ASIC2: variants seen among roughly 807,000 people sequenced by gnomAD.
The protein encoded by ASIC2 is acid sensing ion channel subunit 2.
ASIC2 carries 25 observed loss-of-function variants against 57.3 expected under a neutral mutation model. The ratio of observed to expected loss-of-function variants is 0.44; its 90% CI spans 0.32 to 0.61. The LOEUF (loss-of-function observed/expected upper bound fraction) is 0.61. ASIC2 is among the 20% of genes least tolerant of loss of function. ASIC2 has a pLI of 0.06. For missense variants in ASIC2, 641 were observed against 738.1 expected (o/e 0.87, Z 1.52); for synonymous variants, 319 against 307.5 (o/e 1.04, Z -0.39).
intron 1 of ASIC2, among the ~76,000 whole-genome samples, chr17:34,090,647 A>G (rs1418772650): frequency 1.3e-5 from 2 of 152,200 alleles, no homozygotes; most frequent in African/African-American, 4.8e-5. Context: ...AAGGAAAAAG[A>G]GTACTTAAGG....
intron 1 of ASIC2, among the ~76,000 whole-genome samples, chr17:34,136,292 C>T (rs563769913): frequency 6.6e-6 from 1 of 152,330 alleles, no homozygotes; most frequent in African/African-American, 2.4e-5. Context: ...GCAAAGCCAT[C>T]TCTTATGGGG....
intron 3 of ASIC2, among the ~76,000 whole-genome samples, chr17:33,038,437 G>A (rs760077875): frequency 1.6e-4 from 24 of 152,152 alleles, no homozygotes; most frequent in Non-Finnish European, 2.9e-4. Context: ...TATGGGAGTG[G>A]AGCTGGGAGA....
intron 1 of ASIC2, among the ~76,000 whole-genome samples, chr17:34,067,294 G>T (rs577044669): frequency 6.6e-6 from 1 of 152,278 alleles, no homozygotes; most frequent in African/African-American, 2.4e-5. Context: ...GACTTCAGAT[G>T]AAAGAAATTG....
At chr17:33,800,041 A>G (rs1263251147) in intron 1 of ASIC2, among the ~76,000 whole-genome samples, 1 of 152,028 alleles carries the variant, frequency 6.6e-6, no homozygotes, top group African/African-American at 2.4e-5. Context: ...GTATATAGAG[A>G]CCTTTGAGAC....
At chr17:33,970,888 C>T (rs1375990489) in intron 1 of ASIC2, among the ~76,000 whole-genome samples, 1 of 152,128 alleles carries the variant, frequency 6.6e-6, no homozygotes, top group East Asian at 1.9e-4. Flanking sequence ...TCAGAACAAA[C>T]CCAGGTGTCT....
At chr17:33,172,396 C>T (rs1905556955) in intron 1 of ASIC2, among the ~76,000 whole-genome samples, 2 of 152,208 alleles carry the variant, frequency 1.3e-5, no homozygotes, top group African/African-American at 2.4e-5. Context: ...AAAATTAAAG[C>T]CCAGTTCTGC....
At position 33,709,916 on chromosome 17, in the gene ASIC2, T is replaced by A. The variant is rs148310990; in HGVS notation, c.555+446062A>T. ...ATTTCCAGTGACATGGATGCTCAAG[T>A]CTTTATGGGCAACCCTTATTATCAC... On this transcript the variant is annotated intron_variant, in intron 1 of 9. Coordinates refer to the ASIC2 transcript ENST00000359872. Among the ~76,000 whole-genome samples, 508 of 152,330 alleles carry A rather than the reference T, an allele frequency of 3.3e-3. 5 individuals are homozygous for A. Among genetic ancestry groups the A allele is most frequent in the African/African-American group, 0.012 (480 of 41,588 alleles).
chr17:33,360,287 G>A (rs1189844029), intron 1 of ASIC2, among the ~76,000 whole-genome samples: 1 of 152,144 alleles, frequency 6.6e-6, no homozygotes, highest in African/African-American at 2.4e-5. Flanking sequence ...TTGCAAGAAC[G>A]GCAACTGTAG....
chr17:33,220,931 A>G (rs376941), intron 1 of ASIC2, among the ~76,000 whole-genome samples: 108,611 of 151,928 alleles, frequency 0.71, 39,047 homozygotes, highest in Middle Eastern at 0.8. Context: ...AATTAGCTGG[A>G]TGTGGTGGTG....
chr17:33,702,498 C>T lies in ASIC2; in HGVS notation c.555+453480G>A, dbSNP rs532125307. 7.0e-4 allele frequency among the ~76,000 whole-genome samples: 107 copies of T among 152,240 alleles called. 1 individual carries two copies. Among genetic ancestry groups the T allele is most frequent in the Non-Finnish European group, 8.8e-4 (60 of 68,022 alleles). ...GTTTCCATCAAGGGAGCAGAGCCAG[C>T]GTCACACCTTTAACTTCTATGACAG... On this transcript the variant is annotated intron_variant, in intron 1 of 9. Transcript: ENST00000359872.
At chr17:33,072,655 C>T (rs937605054) in intron 3 of ASIC2, among the ~76,000 whole-genome samples, 6 of 152,262 alleles carry the variant, frequency 3.9e-5, no homozygotes, top group South Asian at 2.1e-4. Context: ...GGCCATTTGA[C>T]GGGGAGAGAG....
At chr17:33,896,177 T>C (rs1189221943) in intron 1 of ASIC2, among the ~76,000 whole-genome samples, 1 of 152,226 alleles carries the variant, frequency 6.6e-6, no homozygotes, top group African/African-American at 2.4e-5. Context: ...CAGAGCCTGG[T>C]AGAGGACAAA....
intron 1 of ASIC2, among the ~76,000 whole-genome samples, chr17:33,133,478 T>C (rs904955075): frequency 6.6e-6 from 1 of 152,230 alleles, no homozygotes; most frequent in Non-Finnish European, 1.5e-5. Context: ...TGCAGTTATG[T>C]ATGTAATCCC....
intron 1 of ASIC2, among the ~76,000 whole-genome samples, chr17:33,904,547 G>A (rs916145949): frequency 1.3e-5 from 2 of 152,192 alleles, no homozygotes; most frequent in African/African-American, 4.8e-5. Context: ...ATGCAACTAA[G>A]GTCGAGAACC....
intron 1 of ASIC2, among the ~76,000 whole-genome samples, chr17:33,747,757 G>C (rs1910311697): frequency 6.6e-6 from 1 of 152,190 alleles, no homozygotes; most frequent in Non-Finnish European, 1.5e-5. Flanking sequence ...CCAAGACAGA[G>C]GCAAAGCCTG....
intron 1 of ASIC2, among the ~76,000 whole-genome samples, chr17:34,034,188 A>G (rs9747699): frequency 0.065 from 9,906 of 152,140 alleles, 1,051 homozygotes; most frequent in African/African-American, 0.22. Context: ...TCATCCCTGG[A>G]ATGCAAGGCT....
At chr17:34,141,499 T>C (rs1317070002) in intron 1 of ASIC2, among the ~76,000 whole-genome samples, 1 of 152,246 alleles carries the variant, frequency 6.6e-6, no homozygotes, top group Non-Finnish European at 1.5e-5. Flanking sequence ...TTGTGTAAAG[T>C]AATCTTTTAT....
intron 1 of ASIC2, among the ~76,000 whole-genome samples, chr17:33,931,919 A>C (rs1393713615): frequency 6.6e-6 from 1 of 152,174 alleles, no homozygotes; most frequent in Admixed American, 6.5e-5. Flanking sequence ...ATTCCAGTAG[A>C]CCTTTAAAAA....
chr17:34,103,714 T>C (rs905852194), intron 1 of ASIC2, among the ~76,000 whole-genome samples: 1 of 152,210 alleles, frequency 6.6e-6, no homozygotes, highest in Non-Finnish European at 1.5e-5. Flanking sequence ...GAAAATACTT[T>C]CCTTTTTCCT....
Sources: allele counts gnomAD v4.1 joint callset (sites outside exome capture counted in the v4.1 genomes callset), GRCh38; gene constraint gnomAD v4.1.1; transcripts MANE v1.5; gene names NCBI Gene and HGNC (gene_info 2026-07-23, HGNC 2026-07-21).